The following NRXN1 variants were observed in gnomAD, a reference collection of about 807,000 sequenced individuals.
NRXN1 encodes the protein neurexin 1.
Under a neutral mutation model 150.9 loss-of-function variants are expected in NRXN1, and 39 were observed. That is an observed-to-expected ratio of 0.26 (90% confidence interval 0.20 to 0.34). The LOEUF (loss-of-function observed/expected upper bound fraction) is 0.34. Among genes scored for constraint, NRXN1 ranks in the 10% least tolerant of loss-of-function variants. The pLI is 1.00. For synonymous variants in NRXN1, 924 were observed against 757.0 expected, an observed-to-expected ratio of 1.22 and a Z score of -3.62; for missense variants, 1,815 against 1,949.9, an observed-to-expected ratio of 0.93 and a Z score of 1.30.
chr2:50,033,911 T>C (rs2152570161), intron 21 of NRXN1, among the ~76,000 whole-genome samples: 1 of 144,940 alleles, frequency 6.9e-6, no homozygotes, highest in Admixed American at 7.0e-5. Context: ...GAAATGTAAA[T>C]CAAAACCACA....
chr2:50,724,595 T>G (rs770488680), intron 5 of NRXN1, among the ~76,000 whole-genome samples: 8 of 152,156 alleles, frequency 5.3e-5, no homozygotes, highest in African/African-American at 1.9e-4. Flanking sequence ...TGGCTTTATA[T>G]GGTAAAACAT....
intron 5 of NRXN1, among the ~76,000 whole-genome samples, chr2:50,732,211 A>G (rs968525152): frequency 6.6e-6 from 1 of 152,186 alleles, no homozygotes; most frequent in Admixed American, 6.5e-5. Flanking sequence ...TATGAAAAAA[A>G]TTGTGTGTTT....
At chr2:50,350,208 C>T (rs910238420) in intron 17 of NRXN1, among the ~76,000 whole-genome samples, 4 of 152,150 alleles carry the variant, frequency 2.6e-5, no homozygotes, top group African/African-American at 9.7e-5. Flanking sequence ...AATGTTGATT[C>T]ATCAACATTG....
rs1373099509 is a variant in NRXN1 at position 50,323,591 on chromosome 2, AT to A, written c.3365-86622del. On this transcript the variant is annotated intron_variant, in intron 17 of 22. Coordinates refer to ENST00000401669, the MANE Select transcript of NRXN1 (RefSeq NM_001330078.2). ...ATAAACTATATATATATATATATATATAACTTAGCAGATTCAAATTTTATTT... is the reference window on the plus strand; with the variant it reads ...ATAAACTATATATATATATATATATAAACTTAGCAGATTCAAATTTTATTT... Among the ~76,000 whole-genome samples the A allele has an allele frequency of 4.8e-4, 72 of 151,244 alleles. No homozygotes were observed. In the Middle Eastern group the frequency reaches 0.01, roughly 21 times the overall value.
chr2:51,011,431 G>GTC (rs776744822), intron 2 of NRXN1, among the ~76,000 whole-genome samples: 1 of 151,960 alleles, frequency 6.6e-6, no homozygotes, highest in Non-Finnish European at 1.5e-5. Context: ...AAGAATAAGG[G>GTC]TCTACACAAA....
chr2:50,115,742 G>C (rs1049825081), intron 18 of NRXN1, among the ~76,000 whole-genome samples: 1 of 152,034 alleles, frequency 6.6e-6, no homozygotes, highest in African/African-American at 2.4e-5. Context: ...TGCAATCTAT[G>C]ACAGTTTTAT....
rs13023341 is a variant in NRXN1, at chr2:51,027,340, G to A, written c.772+162C>T. Reference sequence around the variant, plus strand: ...AGGAGGATGTCAAGGGAGAAGCTGTGGAGGTGGTAAGGTAGAGAGTCCCCC... The same window carrying A: ...AGGAGGATGTCAAGGGAGAAGCTGTAGAGGTGGTAAGGTAGAGAGTCCCCC... On this transcript the variant is annotated intron_variant, in intron 2 of 22. Coordinates refer to ENST00000401669, the MANE Select transcript of NRXN1 (RefSeq NM_001330078.2). 0.22 allele frequency among the ~76,000 whole-genome samples: 33,935 copies of A among 152,100 alleles called. 4,312 individuals carry two copies. Among genetic ancestry groups the A allele is most frequent in the Non-Finnish European group, 0.3 (20,204 of 67,964 alleles).
chr2:50,026,055 G>A (rs892758145), intron 21 of NRXN1, among the ~76,000 whole-genome samples: 2 of 152,114 alleles, frequency 1.3e-5, no homozygotes, highest in African/African-American at 4.8e-5. Context: ...CATATGGCTT[G>A]CAGACATGGC....
chr2:50,404,839 G>T (rs1023256517), intron 17 of NRXN1, among the ~76,000 whole-genome samples: 1 of 152,106 alleles, frequency 6.6e-6, no homozygotes, highest in Non-Finnish European at 1.5e-5. Context: ...CTTTCAGTCA[G>T]AGAGAAAGGA....
intron 8 of NRXN1, among the ~76,000 whole-genome samples, chr2:50,562,159 A>C (rs1669185896): frequency 6.6e-6 from 1 of 152,178 alleles, no homozygotes; most frequent in South Asian, 2.1e-4. Context: ...TAGATTAATC[A>C]ATGCATCTTC....
At chr2:50,315,227 A>G (rs79243361) in intron 17 of NRXN1, among the ~76,000 whole-genome samples, 2,618 of 152,148 alleles carry the variant, frequency 0.017, 49 homozygotes, top group African/African-American at 0.06. Context: ...TCTGGCAACT[A>G]AAACTGCACA....
chr2:50,080,922 T>A (rs1340985098), intron 19 of NRXN1, among the ~76,000 whole-genome samples: 3 of 152,190 alleles, frequency 2.0e-5, no homozygotes, highest in Non-Finnish European at 4.4e-5. Context: ...GACTTTATTT[T>A]TTCCTCTAAT....
At chr2:50,554,359 A>C (rs1242631176) in intron 8 of NRXN1, 9 of 152,180 alleles carry the variant, frequency 5.9e-5, no homozygotes, top group Non-Finnish European at 8.8e-5. Context: ...GTTTCCTGAT[A>C]GGATTTGTTA....
chr2:49,998,143 T>C (rs750915653), intron 21 of NRXN1, among the ~76,000 whole-genome samples: 5 of 152,012 alleles, frequency 3.3e-5, no homozygotes, highest in Admixed American at 6.6e-5. Flanking sequence ...ACCATAGAGG[T>C]CAAAAATATG....
rs200643528 is a variant in NRXN1, at chr2:50,347,250, G to C, written c.3365-110280C>G. On this transcript the variant is annotated intron_variant, in intron 17 of 22. Transcript: ENST00000401669. The surrounding 1 kb of genome is among the most constrained non-coding windows in gnomAD (Gnocchi z 4.9). ...GCGGGTGGCTGCTCCCAGATTTCCAGGGCTCCAGGTTCTCGAGAGATACTC... is the reference window on the plus strand; with the variant it reads ...GCGGGTGGCTGCTCCCAGATTTCCACGGCTCCAGGTTCTCGAGAGATACTC... The C allele has an allele frequency of 6.0e-6, 8 of 1,322,972 alleles. No individual in the cohort carries two copies. In the South Asian group the frequency reaches 9.8e-5, roughly 16 times the overall value. The allele number at this position is 1,322,972 out of a possible 1,614,324, so 82.0% of individuals were successfully genotyped here. A position where few individuals can be genotyped will look rare whatever the true frequency, so the allele number is the denominator to read the frequency against.
At chr2:50,957,204 T>C (rs1173864153) in intron 2 of NRXN1, among the ~76,000 whole-genome samples, 3 of 152,152 alleles carry the variant, frequency 2.0e-5, no homozygotes, top group African/African-American at 7.2e-5. Context: ...TTGGTCAAGA[T>C]GATGCAAGCA....
At chr2:50,272,647 T>C (rs910995466) in intron 17 of NRXN1, among the ~76,000 whole-genome samples, 3 of 152,044 alleles carry the variant, frequency 2.0e-5, no homozygotes, top group African/African-American at 7.2e-5. Flanking sequence ...AACTATGGCA[T>C]AAATAAAATC....
intron 5 of NRXN1, among the ~76,000 whole-genome samples, chr2:50,740,030 G>C (rs1192990797): frequency 1.3e-5 from 2 of 152,152 alleles, no homozygotes; most frequent in Non-Finnish European, 2.9e-5. Flanking sequence ...TCGTACAAGG[G>C]ATGCTTTGTA....
intron 18 of NRXN1, among the ~76,000 whole-genome samples, chr2:50,106,200 A>G (rs1207603539): frequency 7.9e-6 from 1 of 126,082 alleles, no homozygotes; most frequent in African/African-American, 2.8e-5. Context: ...ATCAACCTCT[A>G]CATTATTACC....
Sources: allele counts gnomAD v4.1 joint callset (sites outside exome capture counted in the v4.1 genomes callset), GRCh38; gene constraint gnomAD v4.1.1; non-coding constraint Gnocchi (gnomAD v3.1); transcripts MANE v1.5; gene names NCBI Gene and HGNC (gene_info 2026-07-23, HGNC 2026-07-21).